The following CASP14 variants were observed in gnomAD, a reference collection of about 807,000 sequenced individuals.
CASP14 encodes the protein caspase 14.
A neutral mutation model predicts 28.4 loss-of-function variants in CASP14; 27 were observed. That is an observed-to-expected ratio of 0.95 (90% CI 0.70 to 1.31). The LOEUF (loss-of-function observed/expected upper bound fraction) is 1.31, where lower values mean the gene tolerates loss of function less well. Among genes scored for constraint, CASP14 ranks in the 50% most tolerant of loss-of-function variants. The pLI, the probability that CASP14 is intolerant of heterozygous loss-of-function variation, is 0.00. For synonymous variants in CASP14, 115 were observed against 118.6 expected (o/e 0.97, Z 0.20); for missense variants, 323 against 312.8 (o/e 1.03, Z -0.25).
At chr19:15,055,556 G>A (rs1429551588) in intron 6 of CASP14, 23 bp downstream of exon 6, 1 of 1,574,320 alleles carries the variant, frequency 6.4e-7, no homozygotes, top group Admixed American at 1.7e-5. Context: ...AAGGTAGCTG[G>A]GACCACCGCC....
At chr19:15,055,045 T>C (rs1428582189) in intron 4 of CASP14, 113 bp from the exon 5 acceptor site, 11 of 754,020 alleles carry the variant, frequency 1.5e-5, no homozygotes, top group Non-Finnish European at 2.6e-5. Context: ...GTTCAAGTGA[T>C]CCTCCTGCTT....
chr19:15,055,972 C>A lies in CASP14; in HGVS notation c.625-13C>A. 1 of 1,596,822 alleles carries A rather than the reference C, an allele frequency of 6.3e-7. No homozygotes were observed. Among genetic ancestry groups the A allele is most frequent in the Non-Finnish European group, 8.5e-7 (1 of 1,170,700 alleles). ...CACTGACTCCTCCAAGCTCACCACACCTGTTGCTGCAGGTGACCCGGCGGA... is the reference window on the plus strand; with the variant it reads ...CACTGACTCCTCCAAGCTCACCACAACTGTTGCTGCAGGTGACCCGGCGGA... On this transcript the variant is annotated splice_polypyrimidine_tract_variant and intron_variant, in intron 6 of 6. Coordinates refer to ENST00000427043, the MANE Select transcript of CASP14 (RefSeq NM_012114.3).
intron 2 of CASP14, 37 bp from the exon 3 acceptor site, chr19:15,053,445 C>A (rs548029684): frequency 2.1e-5 from 34 of 1,613,258 alleles, no homozygotes; most frequent in Admixed American, 6.7e-5. Flanking sequence ...TCTCCTTGAA[C>A]CTCTCCATGC....
At chr19:15,054,646 T>C (rs1199670829) in intron 4 of CASP14, among the ~76,000 whole-genome samples, 3 of 151,530 alleles carry the variant, frequency 2.0e-5, no homozygotes, top group Admixed American at 1.3e-4. Flanking sequence ...CATCCTTTTT[T>C]TTTTTTTTTT....
chr19:15,057,319 T>C lies in CASP14; in HGVS notation c.*1230T>C, dbSNP rs2046122148. On this transcript the variant is annotated 3_prime_UTR_variant, in exon 7 of 7. Coordinates refer to ENST00000427043, the MANE Select transcript of CASP14 (RefSeq NM_012114.3). Reference sequence around the variant, plus strand: ...ACCTCAGATCCCAGGTTCAGATTTCTGCAGTCAATCTATGACCCCTCTCTT... The same window carrying C: ...ACCTCAGATCCCAGGTTCAGATTTCCGCAGTCAATCTATGACCCCTCTCTT... 6.6e-6 allele frequency: 1 copy of C among 152,262 alleles called. No individual in the cohort carries two copies. Among genetic ancestry groups the C allele is most frequent in the Non-Finnish European group, 1.5e-5 (1 of 68,062 alleles). The allele number at this position is 152,262 out of a possible 1,614,324, so 9.4% of individuals were successfully genotyped here. A position where few individuals can be genotyped will look rare whatever the true frequency, so the allele number is the denominator to read the frequency against.
Position 15,055,179 on chromosome 19 carries a change from C to A in CASP14, c.425C>A (p.Thr142Lys). 6.2e-7 allele frequency: 1 copy of A among 1,614,052 alleles called. No homozygotes were observed. Among genetic ancestry groups the A allele is most frequent in the Non-Finnish European group, 8.5e-7 (1 of 1,179,962 alleles). Residue 142 changes from threonine (T) to lysine (K), a missense_variant, in exon 5 of 7, where the codon ACA (threonine) becomes AAA (lysine). Thr to Lys is a moderately conservative substitution (Grantham distance 78, BLOSUM62 -1). Coordinates refer to ENST00000427043, the MANE Select transcript of CASP14 (RefSeq NM_012114.3). ...TCAGAACAAAGGGACCCCGGTGAAA[C>A]AGTAGGTGGAGATGAGATTGTGATG... The part of the protein sequence containing the change: ...CRGEQRDPGE[T>K]VGGDEIVMVI...
chr19:15,052,185 C>CT, intron 1 of CASP14, 21 bp from the exon 2 acceptor site: 4 of 1,534,346 alleles, frequency 2.6e-6, no homozygotes, highest in Non-Finnish European at 2.6e-6. Flanking sequence ...GAACTTTAAC[C>CT]TATCTTCTCT....
In CASP14 at chr19:15,053,727, C is replaced by T. The variant is rs2046102223; in HGVS notation, c.178-6C>T. On this transcript the variant is annotated splice_polypyrimidine_tract_variant and splice_region_variant and intron_variant, in intron 3 of 6. Transcript: ENST00000427043. ...CAGCTGAGTCTGGTTCTTCCTCTCA[C>T]TCCAGCAATTCCAGGAAGAGCTGGA... 1 of 1,613,168 alleles carries T rather than the reference C, an allele frequency of 6.2e-7. No homozygotes were observed. The highest frequency in any genetic ancestry group is 1.3e-5 in the African/African-American group (1 of 75,004).
At chr19:15,052,477 A>G (rs1280466234) in intron 2 of CASP14, among the ~76,000 whole-genome samples, 199 bp downstream of exon 2, 1 of 152,170 alleles carries the variant, frequency 6.6e-6, no homozygotes, top group African/African-American at 2.4e-5. Context: ...GGGCAGTCAA[A>G]CACAGCTACC....
At chr19:15,054,406 C>T (rs1357742200) in intron 4 of CASP14, among the ~76,000 whole-genome samples, 2 of 152,118 alleles carry the variant, frequency 1.3e-5, no homozygotes, top group Non-Finnish European at 2.9e-5. Context: ...TAACAAGAAC[C>T]CAGCTCTATG....
At chr19:15,055,405 G>A (rs368841816) in intron 5 of CASP14, 25 bp from the exon 6 acceptor site, 85 of 1,608,872 alleles carry the variant, frequency 5.3e-5, no homozygotes, top group East Asian at 1.6e-4. Flanking sequence ...AAGCTCCCCC[G>A]AACCCACCTC....
In CASP14 at chr19:15,058,117, C is replaced by A. The variant is rs2046125927; in HGVS notation, c.*2028C>A. The A allele has an allele frequency of 6.6e-6, 1 of 152,214 alleles. No individual in the cohort carries two copies. Among genetic ancestry groups the A allele is most frequent in the Non-Finnish European group, 1.5e-5 (1 of 68,058 alleles). The allele number at this position is 152,214 out of a possible 1,614,324, so 9.4% of individuals were successfully genotyped here. ...GGAGGGCCCTCCCTCTCCCTTTACC[C>A]CTCTTCCACTACCTCCCACCCCTAC... On this transcript the variant is annotated 3_prime_UTR_variant, in exon 7 of 7. Coordinates refer to ENST00000427043, the MANE Select transcript of CASP14 (RefSeq NM_012114.3).
intron 4 of CASP14, 68 bp downstream of exon 4, chr19:15,054,026 C>A: frequency 7.5e-7 from 1 of 1,339,120 alleles, no homozygotes. Context: ...GAGACAGCAC[C>A]CAGGCTGGAA....
At position 15,055,271 on chromosome 19, in the gene CASP14, G is replaced by C. The variant is rs1039008653; in HGVS notation, c.517G>C (p.Glu173Gln). The change falls in exon 5 of 7, where the codon GAG becomes CAG. Residue 173 changes from glutamate to glutamine, a missense_variant. By Grantham distance (29) the Glu-to-Gln change is conservative. Transcript: ENST00000427043. Reference protein sequence around the residue: ...TDALHVYSTVEGYIAYRHDQK... With the variant: ...TDALHVYSTVQGYIAYRHDQK... ...TGCCTTGCACGTTTATTCCACGGTA[G>C]AGGGTATGAGCTCCCAGCTGGCCCA... The C allele has an allele frequency of 6.2e-7, 1 of 1,613,026 alleles. No homozygotes were observed. Among genetic ancestry groups the C allele is most frequent in the African/African-American group, 1.3e-5 (1 of 74,856 alleles).
intron 2 of CASP14, among the ~76,000 whole-genome samples, 176 bp from the exon 3 acceptor site, chr19:15,053,306 C>G (rs1568314903): frequency 6.6e-6 from 1 of 152,098 alleles, no homozygotes; most frequent in Non-Finnish European, 1.5e-5. Flanking sequence ...CAGAGTCTCA[C>G]TATGTTGCCC....
rs569280807 is a variant in CASP14, at chr19:15,052,089, A to C, written c.-46-117A>C. On this transcript the variant is annotated intron_variant, in intron 1 of 6. Transcript: ENST00000427043. ...TTGCCCAGATCTGTCCACAGACCAA[A>C]TCCCCACCACTTGAGTGCTATTTGG... 8.0e-5 allele frequency: 53 copies of C among 662,838 alleles called. No homozygotes were observed. In the South Asian group the frequency reaches 9.7e-4, roughly 12 times the overall value. 41.1% of individuals were successfully genotyped at this position (662,838 alleles called of 1,614,324 possible). A position where few individuals can be genotyped will look rare whatever the true frequency, so the allele number is the denominator to read the frequency against.
intron 6 of CASP14, 61 bp downstream of exon 6, chr19:15,055,594 G>A: frequency 8.4e-7 from 1 of 1,190,256 alleles, no homozygotes; most frequent in Non-Finnish European, 1.3e-6. Context: ...AGGCGGAGGG[G>A]GCTGAGCCTC....
chr19:15,052,125 C>G (rs1370647649), intron 1 of CASP14, 81 bp from the exon 2 acceptor site: 52 of 1,012,000 alleles, frequency 5.1e-5, no homozygotes, highest in Admixed American at 4.1e-4. Context: ...TCTCAAAAAT[C>G]CAGATACATA....
chr19:15,056,283 TG>T lies in CASP14; in HGVS notation c.*196del. 1 of 501,402 alleles carries T rather than the reference TG, an allele frequency of 2.0e-6. No individual in the cohort carries two copies. Among genetic ancestry groups the T allele is most frequent in the Non-Finnish European group, 3.7e-6 (1 of 268,030 alleles). The allele number at this position is 501,402 out of a possible 1,614,324, so 31.1% of individuals were successfully genotyped here. A position where few individuals can be genotyped will look rare whatever the true frequency, so the allele number is the denominator to read the frequency against. On this transcript the variant is annotated 3_prime_UTR_variant, in exon 7 of 7. Transcript: ENST00000427043. ...GCCAGCCAAAACTTAGCACAAGGCA[TG>T]GTGGCAACATTAACATCACCTCCCT...
Sources: gnomAD v4.1 joint callset for allele counts (sites outside exome capture counted in the v4.1 genomes callset) on GRCh38, gnomAD v4.1.1 for gene constraint, MANE v1.5 for transcripts, NCBI Gene and HGNC (gene_info 2026-07-23, HGNC 2026-07-21) for gene names.